KLHL32: variants seen among roughly 807,000 people sequenced by gnomAD.
The protein encoded by KLHL32 is kelch like family member 32.
A neutral mutation model predicts 64.8 loss-of-function variants in KLHL32; 35 were observed. That is an observed-to-expected ratio of 0.54 (90% confidence interval 0.41 to 0.72). The LOEUF (loss-of-function observed/expected upper bound fraction) is 0.72. Ranked by LOEUF, KLHL32 falls within the 30% of genes least tolerant of loss-of-function variation. KLHL32 has a pLI of 0.00. For synonymous variants in KLHL32, 259 were observed against 281.0 expected, an observed-to-expected ratio of 0.92 and a Z score of 0.78; for missense variants, 589 against 768.5, an observed-to-expected ratio of 0.77 and a Z score of 2.76.
intron 3 of KLHL32, among the ~76,000 whole-genome samples, chr6:97,013,152 G>A (rs181336457): frequency 2.6e-5 from 4 of 152,276 alleles, no homozygotes; most frequent in African/African-American, 9.6e-5. Flanking sequence ...ACATTTTCTT[G>A]TGAGAAATAA....
the KLHL32 span, among the ~76,000 whole-genome samples, chr6:96,918,183 A>G: frequency 6.6e-5 from 10 of 152,188 alleles, no homozygotes; most frequent in African/African-American, 1.7e-4. Context: ...CTCACTCGCA[A>G]TATCTACAAA....
intron 3 of KLHL32, among the ~76,000 whole-genome samples, chr6:97,040,907 ACCTTCGCCTTCG>A (rs1393277862): frequency 6.6e-6 from 1 of 151,984 alleles, no homozygotes; most frequent in East Asian, 1.9e-4. Flanking sequence ...CTTCGCCTTC[ACCTTCGCCTTCG>A]CCTTCCACCA....
chr6:97,133,866 A>T lies in KLHL32; in HGVS notation c.1701+1119A>T, dbSNP rs142322831. 1.2e-3 allele frequency among the ~76,000 whole-genome samples: 183 copies of T among 152,272 alleles called. 1 individual carries two copies. Among genetic ancestry groups the T allele is most frequent in the African/African-American group, 4.2e-3 (173 of 41,556 alleles). The stretch of plus-strand genomic sequence containing the variant: ...CTGACTGAGCAGTTGGAAAGACTGT[A>T]TTTTTCTTAGCATACATGGAACATT... On this transcript the variant is annotated intron_variant, in intron 10 of 10. Coordinates refer to ENST00000369261, the MANE Select transcript of KLHL32 (RefSeq NM_052904.4).
At chr6:96,979,616 TG>T (rs1776075167) in intron 3 of KLHL32, among the ~76,000 whole-genome samples, 1 of 152,212 alleles carries the variant, frequency 6.6e-6, no homozygotes, top group African/African-American at 2.4e-5. Flanking sequence ...TTGTTCTTTT[TG>T]CTTAGGATTG....
chr6:97,118,426 C>T (rs1798027614), intron 7 of KLHL32, among the ~76,000 whole-genome samples: 1 of 151,998 alleles, frequency 6.6e-6, no homozygotes, highest in Non-Finnish European at 1.5e-5. Flanking sequence ...CGAGACCAGC[C>T]TGGCCAGCAT....
chr6:96,925,237 C>G (rs188371217), intron 1 of KLHL32, among the ~76,000 whole-genome samples: 3 of 152,312 alleles, frequency 2.0e-5, no homozygotes, highest in Middle Eastern at 3.4e-3. Flanking sequence ...CTTCCCTCCC[C>G]CTGAGCCCAA....
At chr6:96,955,908 A>G (rs1425918514) in intron 1 of KLHL32, among the ~76,000 whole-genome samples, 1 of 152,214 alleles carries the variant, frequency 6.6e-6, no homozygotes, top group Admixed American at 6.5e-5. Flanking sequence ...CTGCACTCCA[A>G]TCTGAGCAAC....
the KLHL32 span, among the ~76,000 whole-genome samples, chr6:96,907,553 A>G: frequency 6.6e-6 from 1 of 152,310 alleles, no homozygotes; most frequent in East Asian, 1.9e-4. Context: ...TAAACACTCT[A>G]TGTACAGGAA....
At chr6:97,070,169 T>C (rs899227118) in intron 5 of KLHL32, among the ~76,000 whole-genome samples, 7 of 152,202 alleles carry the variant, frequency 4.6e-5, no homozygotes, top group Admixed American at 2.0e-4. Flanking sequence ...CATAGTTCAC[T>C]AGAGCTGAGG....
intron 1 of KLHL32, among the ~76,000 whole-genome samples, chr6:96,926,510 A>C (rs1477845257): frequency 6.6e-6 from 1 of 152,234 alleles, no homozygotes; most frequent in African/African-American, 2.4e-5. Context: ...TGAGGAACCC[A>C]AGACTCAAAC....
intron 1 of KLHL32, among the ~76,000 whole-genome samples, chr6:96,957,194 TATATTAAAATTCA>T (rs1188806495): frequency 6.6e-6 from 1 of 152,212 alleles, no homozygotes; most frequent in Non-Finnish European, 1.5e-5. Context: ...GAACAGTCTA[TATATTAAAATTCA>T]AAAGTAAGAG....
chr6:97,043,032 TG>T (rs1171423428), intron 4 of KLHL32, among the ~76,000 whole-genome samples: 1 of 152,242 alleles, frequency 6.6e-6, no homozygotes, highest in African/African-American at 2.4e-5. Context: ...TCTTACTATG[TG>T]ATCTTGGCAC....
chr6:96,941,555 G>T (rs1771289620), intron 1 of KLHL32, among the ~76,000 whole-genome samples: 1 of 152,186 alleles, frequency 6.6e-6, no homozygotes, highest in African/African-American at 2.4e-5. Flanking sequence ...TTATTAAGCA[G>T]AAGAGGTTTG....
At chr6:96,933,823 T>C (rs1770236549) in intron 1 of KLHL32, among the ~76,000 whole-genome samples, 1 of 152,136 alleles carries the variant, frequency 6.6e-6, no homozygotes, top group African/African-American at 2.4e-5. Context: ...GAGTCACAGA[T>C]CAGTACTGAA....
At chr6:96,996,940 C>T (rs1778479026) in intron 3 of KLHL32, among the ~76,000 whole-genome samples, 1 of 151,878 alleles carries the variant, frequency 6.6e-6, no homozygotes, top group Non-Finnish European at 1.5e-5. Context: ...CTGAAGTAAG[C>T]AAGGAGCAGA....
chr6:96,963,237 A>G (rs1774075494), intron 1 of KLHL32, among the ~76,000 whole-genome samples: 1 of 152,172 alleles, frequency 6.6e-6, no homozygotes, highest in African/African-American at 2.4e-5. Context: ...TAGGATTATC[A>G]AAGGAAAAGG....
chr6:97,114,631 G>A, intron 7 of KLHL32, 122 bp downstream of exon 7: 4 of 1,172,868 alleles, frequency 3.4e-6, no homozygotes, highest in Non-Finnish European at 4.9e-6. Context: ...TGCCATTTTA[G>A]CTAATTAACA....
chr6:97,041,449 T>C, intron 3 of KLHL32, 43 bp from the exon 4 acceptor site: 1 of 1,323,190 alleles, frequency 7.6e-7, no homozygotes, highest in Non-Finnish European at 1.1e-6. Flanking sequence ...GCTCCCTTGC[T>C]GTCAAAGTCT....
At position 96,987,664 on chromosome 6, in the gene KLHL32, A is replaced by G. The variant is rs539997250; in HGVS notation, c.204+11487A>G. On this transcript the variant is annotated intron_variant, in intron 3 of 10. Transcript: ENST00000369261. The stretch of plus-strand genomic sequence containing the variant: ...TGCCAAAACAATCCTAAGCCAAAAG[A>G]ACAAAGCTGGAGGCATCACGCTACC... 3.9e-5 allele frequency among the ~76,000 whole-genome samples: 6 copies of G among 152,304 alleles called. No homozygotes were observed. In the East Asian group the frequency reaches 1.2e-3, roughly 29 times the overall value.
Sources: allele counts gnomAD v4.1 joint callset (sites outside exome capture counted in the v4.1 genomes callset), GRCh38; gene constraint gnomAD v4.1.1; transcripts MANE v1.5; gene names NCBI Gene and HGNC (gene_info 2026-07-23, HGNC 2026-07-21).